SLIT3: variants seen among roughly 807,000 people sequenced by gnomAD.
The protein encoded by SLIT3 is slit guidance ligand 3.
In SLIT3, 68 loss-of-function variants were observed where a neutral mutation model predicts 184.0. The ratio of observed to expected loss-of-function variants is 0.37; its 90% CI spans 0.30 to 0.45. The LOEUF (loss-of-function observed/expected upper bound fraction) is 0.45, where lower values mean the gene tolerates loss of function less well. Ranked by LOEUF, SLIT3 falls within the 20% of genes least tolerant of loss-of-function variation. SLIT3 has a pLI of 1.00. For synonymous variants in SLIT3, 831 were observed against 828.6 expected (o/e 1.00, Z -0.05); for missense variants, 1,707 against 2,026.0 (o/e 0.84, Z 3.02).
At chr5:169,144,702 C>A (rs1226642913) in intron 4 of SLIT3, among the ~76,000 whole-genome samples, 4 of 152,220 alleles carry the variant, frequency 2.6e-5, no homozygotes, top group Non-Finnish European at 5.9e-5. Context: ...TGAGCTCAGT[C>A]CAGGCCTTCG....
intron 11 of SLIT3, among the ~76,000 whole-genome samples, chr5:168,788,935 C>T (rs1756257785): frequency 6.6e-6 from 1 of 152,134 alleles, no homozygotes. Context: ...GCTCAAGTGA[C>T]TTCCCTATGC....
intron 1 of SLIT3, among the ~76,000 whole-genome samples, chr5:169,291,119 G>T (rs557662136): frequency 2.9e-4 from 44 of 152,074 alleles, no homozygotes; most frequent in South Asian, 1.9e-3. Context: ...TGATATGGCC[G>T]TGATAAGTGC....
At chr5:168,954,196 C>T (rs1426802566) in intron 4 of SLIT3, among the ~76,000 whole-genome samples, 1 of 152,112 alleles carries the variant, frequency 6.6e-6, no homozygotes, top group Non-Finnish European at 1.5e-5. Context: ...TACTTACCCT[C>T]CTGAACCCTA....
chr5:168,721,018 C>T (rs984354227), intron 23 of SLIT3: 2 of 152,168 alleles, frequency 1.3e-5, no homozygotes, highest in African/African-American at 4.8e-5. Context: ...GCCTCAGTTT[C>T]TCCATGTTTA....
intron 4 of SLIT3, among the ~76,000 whole-genome samples, chr5:169,186,572 G>A (rs1159656742): frequency 1.3e-5 from 2 of 152,216 alleles, no homozygotes; most frequent in Non-Finnish European, 2.9e-5. Flanking sequence ...AGGGTCACCA[G>A]AAGGTGGAAT....
intron 8 of SLIT3, among the ~76,000 whole-genome samples, chr5:168,817,042 T>C (rs560184223): frequency 7.1e-6 from 1 of 141,810 alleles, no homozygotes; most frequent in South Asian, 2.2e-4. Context: ...CTAGTATCAA[T>C]GGACTAGGGG....
At chr5:168,874,042 G>T (rs919514813) in intron 5 of SLIT3, among the ~76,000 whole-genome samples, 6 of 151,936 alleles carry the variant, frequency 3.9e-5, no homozygotes, top group East Asian at 1.9e-4. Flanking sequence ...TACTTTGAGG[G>T]GGTCAGAATC....
chr5:169,243,096 C>T (rs1323188103), intron 3 of SLIT3, among the ~76,000 whole-genome samples: 1 of 152,052 alleles, frequency 6.6e-6, no homozygotes, highest in Admixed American at 6.6e-5. Context: ...AGGGTAATTA[C>T]ACCTCATAGG....
Position 169,267,019 on chromosome 5 carries a change from A to G in SLIT3, c.198-15560T>C, listed in dbSNP as rs561726858. Among the ~76,000 whole-genome samples the G allele has an allele frequency of 2.0e-5, 3 of 152,332 alleles. No individual in the cohort carries two copies. The South Asian group carries it at 6.2e-4, about 32-fold the overall frequency. The stretch of plus-strand genomic sequence containing the variant: ...TCCAAATAACTTTCTGCTATTTACT[A>G]TGCAGGAGCCAATCTACAATGAGTG... On this transcript the variant is annotated intron_variant, in intron 1 of 35. Transcript: ENST00000519560.
intron 11 of SLIT3, among the ~76,000 whole-genome samples, chr5:168,787,823 C>A (rs1333910052): frequency 6.6e-6 from 1 of 152,050 alleles, no homozygotes; most frequent in Non-Finnish European, 1.5e-5. Flanking sequence ...CAGCCCTTTA[C>A]CTTGGCTTCT....
At position 168,803,598 on chromosome 5, in the gene SLIT3, G is replaced by T. The variant is rs551946874; in HGVS notation, c.935+2848C>A. Among the ~76,000 whole-genome samples, 21 of 152,190 alleles carry T rather than the reference G, an allele frequency of 1.4e-4. 1 individual carries two copies. The highest frequency in any genetic ancestry group is 1.4e-3 in the Admixed American group (21 of 15,274). On this transcript the variant is annotated intron_variant, in intron 9 of 35. Transcript: ENST00000519560. ...AGAGTATAGAGATGTGAAGTGGAAGGGGGGTGGCAGGCCCAGAGCCCCTCA... is the reference window on the plus strand; with the variant it reads ...AGAGTATAGAGATGTGAAGTGGAAGTGGGGTGGCAGGCCCAGAGCCCCTCA...
intron 4 of SLIT3, among the ~76,000 whole-genome samples, chr5:169,186,884 C>T (rs1370971313): frequency 1.3e-5 from 2 of 151,804 alleles, no homozygotes; most frequent in East Asian, 1.9e-4. Context: ...ATGATAACAG[C>T]GCCAGTGACT....
intron 4 of SLIT3, among the ~76,000 whole-genome samples, chr5:169,098,304 C>CGT (rs896052562): frequency 1.2e-4 from 18 of 152,318 alleles, no homozygotes; most frequent in Middle Eastern, 6.8e-3. Context: ...AAATCACACA[C>CGT]GTGTGTGTAT....
chr5:169,291,307 T>C (rs1463489493), intron 1 of SLIT3, among the ~76,000 whole-genome samples: 1 of 152,140 alleles, frequency 6.6e-6, no homozygotes, highest in Non-Finnish European at 1.5e-5. Context: ...GAAAATATTA[T>C]TCAGCAAGGT....
chr5:169,063,998 T>A (rs1758265032), intron 4 of SLIT3, among the ~76,000 whole-genome samples: 1 of 152,228 alleles, frequency 6.6e-6, no homozygotes, highest in African/African-American at 2.4e-5. Context: ...TCCTTTAATC[T>A]ATACCGGGAG....
intron 4 of SLIT3, among the ~76,000 whole-genome samples, chr5:169,123,312 A>G (rs1220024015): frequency 1.3e-5 from 2 of 152,190 alleles, no homozygotes; most frequent in African/African-American, 4.8e-5. Flanking sequence ...GCTTTATGAA[A>G]AGTTGATGGG....
In SLIT3 at chr5:168,864,213, T is replaced by A. The variant is rs150573007; in HGVS notation, c.485+19052A>T. 9.3e-3 allele frequency among the ~76,000 whole-genome samples: 1,419 copies of A among 152,196 alleles called. 20 individuals are homozygous for A. Among genetic ancestry groups the A allele is most frequent in the African/African-American group, 0.033 (1,368 of 41,528 alleles). On this transcript the variant is annotated intron_variant, in intron 5 of 35. Transcript: ENST00000519560. ...GACCTTGTCTCAAATAAAAGGCACA[T>A]GTGAACAAATACAAGCATAATGCTT...
At chr5:168,677,302 G>A (rs981369903) in intron 32 of SLIT3, among the ~76,000 whole-genome samples, 2 of 152,064 alleles carry the variant, frequency 1.3e-5, no homozygotes, top group Admixed American at 1.3e-4. Flanking sequence ...AAGAGACAGG[G>A]GTCTTGCTCT....
intron 4 of SLIT3, among the ~76,000 whole-genome samples, chr5:168,924,899 G>A (rs1359458562): frequency 6.6e-6 from 1 of 152,148 alleles, no homozygotes; most frequent in Non-Finnish European, 1.5e-5. Context: ...CTGCAGAGCA[G>A]AGCGGAGAAA....
Sources: gnomAD v4.1 joint callset for allele counts (sites outside exome capture counted in the v4.1 genomes callset) on GRCh38, gnomAD v4.1.1 for gene constraint, MANE v1.5 for transcripts, NCBI Gene and HGNC (gene_info 2026-07-23, HGNC 2026-07-21) for gene names.